Variants in KCNB2 observed in about 807,000 individuals in gnomAD.
KCNB2 encodes delayed rectifier potassium channel protein.
KCNB2 carries 15 observed loss-of-function variants against 61.5 expected under a neutral mutation model. The observed-to-expected ratio is 0.24, with a 90% CI of 0.16 to 0.38. The LOEUF is 0.38. Ranked by LOEUF, KCNB2 falls within the 10% of genes least tolerant of loss-of-function variation. The pLI, the probability that KCNB2 is intolerant of heterozygous loss-of-function variation, is 1.00. For missense variants in KCNB2, 828 were observed against 1,125.2 expected, an observed-to-expected ratio of 0.74 and a Z score of 3.78; for synonymous variants, 457 against 446.0, an observed-to-expected ratio of 1.02 and a Z score of -0.31.
intron 2 of KCNB2, among the ~76,000 whole-genome samples, chr8:72,864,479 T>TA (rs1472307977): frequency 1.3e-5 from 2 of 152,356 alleles, no homozygotes; most frequent in Admixed American, 1.3e-4. Flanking sequence ...GTTCCCTTAG[T>TA]AGACACACTT....
At chr8:72,596,546 T>C (rs1299450404) in intron 2 of KCNB2, among the ~76,000 whole-genome samples, 1 of 152,234 alleles carries the variant, frequency 6.6e-6, no homozygotes, top group African/African-American at 2.4e-5. Flanking sequence ...AATGAAGACA[T>C]GCCCATCATT....
At chr8:72,611,441 C>G (rs1304703958) in intron 2 of KCNB2, among the ~76,000 whole-genome samples, 1 of 152,188 alleles carries the variant, frequency 6.6e-6, no homozygotes, top group East Asian at 1.9e-4. Context: ...CCCCAGCACA[C>G]TAAAGTTCGG....
chr8:72,642,838 G>A (rs749256069), intron 2 of KCNB2, among the ~76,000 whole-genome samples: 23 of 152,136 alleles, frequency 1.5e-4, no homozygotes, highest in South Asian at 4.1e-4. Context: ...ATATAGTTGA[G>A]ACATATTTTG....
chr8:72,917,610 G>A (rs1349643461), intron 2 of KCNB2, among the ~76,000 whole-genome samples: 1 of 152,176 alleles, frequency 6.6e-6, no homozygotes, highest in Non-Finnish European at 1.5e-5. Flanking sequence ...TGTCAATGGT[G>A]TTGAAATTGG....
Position 72,818,115 on chromosome 8 carries a change from G to GA in KCNB2, c.580-117813dup, listed in dbSNP as rs982658886. Among the ~76,000 whole-genome samples the GA allele has an allele frequency of 6.3e-4, 95 of 151,772 alleles. 1 individual carries two copies. The highest frequency in any genetic ancestry group is 1.9e-3 in the African/African-American group (78 of 41,392). On this transcript the variant is annotated intron_variant, in intron 2 of 2. Transcript: ENST00000523207. ...GTGCTACTAATTCTACCACAAAATG[G>GA]AAAAAAATCCTGCAATGGTTCTATT... is the stretch of plus-strand genomic sequence containing the variant.
At chr8:72,929,717 G>C (rs960045947) in intron 2 of KCNB2, among the ~76,000 whole-genome samples, 1 of 152,098 alleles carries the variant, frequency 6.6e-6, no homozygotes, top group Admixed American at 6.6e-5. Context: ...CCAAATTTCC[G>C]AAGGGTTTAA....
At chr8:72,920,475 A>ATATATATATATGTGTG (rs1806499221) in intron 2 of KCNB2, among the ~76,000 whole-genome samples, 7 of 58,336 alleles carry the variant, frequency 1.2e-4, no homozygotes, top group Non-Finnish European at 2.2e-4. Flanking sequence ...CTATCTATCT[A>ATATATATATATGTGTG]TATATATATA....
intron 2 of KCNB2, among the ~76,000 whole-genome samples, chr8:72,906,438 GA>G (rs1177651011): frequency 6.6e-6 from 1 of 151,810 alleles, no homozygotes; most frequent in Admixed American, 6.6e-5. Context: ...TTATAATTTT[GA>G]AAAAAGTATT....
At chr8:72,888,679 G>C (rs1308732933) in intron 2 of KCNB2, among the ~76,000 whole-genome samples, 1 of 152,102 alleles carries the variant, frequency 6.6e-6, no homozygotes, top group African/African-American at 2.4e-5. Flanking sequence ...GCAAAATTAA[G>C]CTCCTTGTTT....
At position 72,640,746 on chromosome 8, in the gene KCNB2, G is replaced by A. The variant is rs187506157; in HGVS notation, c.579+72433G>A. On this transcript the variant is annotated intron_variant, in intron 2 of 2. Transcript: ENST00000523207. Reference sequence around the variant, plus strand: ...TTATAAACTATTGATGTTACATCGTGGTTGGTTTTAACATAGCCAATAGAC... The same window carrying A: ...TTATAAACTATTGATGTTACATCGTAGTTGGTTTTAACATAGCCAATAGAC... Among the ~76,000 whole-genome samples, 213 of 152,192 alleles carry A rather than the reference G, an allele frequency of 1.4e-3. 1 individual carries two copies. Among genetic ancestry groups the A allele is most frequent in the African/African-American group, 4.9e-3 (204 of 41,554 alleles).
At chr8:72,603,438 C>T (rs1276408819) in intron 2 of KCNB2, among the ~76,000 whole-genome samples, 3 of 152,190 alleles carry the variant, frequency 2.0e-5, no homozygotes, top group African/African-American at 7.2e-5. Flanking sequence ...CTCCCCATAT[C>T]TACCTACTAA....
chr8:72,894,240 G>A (rs1805950914), intron 2 of KCNB2, among the ~76,000 whole-genome samples: 1 of 152,104 alleles, frequency 6.6e-6, no homozygotes, highest in East Asian at 1.9e-4. Flanking sequence ...TAAAGGTGGA[G>A]TAGTGCAAAG....
chr8:72,587,682 CATG>C (rs1467348372), intron 2 of KCNB2, among the ~76,000 whole-genome samples: 1 of 151,980 alleles, frequency 6.6e-6, no homozygotes, highest in Non-Finnish European at 1.5e-5. Context: ...TGAGAGTCAT[CATG>C]ATCACACCAC....
chr8:72,792,662 A>G (rs1808964663), intron 2 of KCNB2, among the ~76,000 whole-genome samples: 2 of 152,156 alleles, frequency 1.3e-5, no homozygotes, highest in Admixed American at 6.5e-5. Flanking sequence ...CCAGGCATAT[A>G]TATATTTTTA....
At chr8:72,930,967 C>T (rs1196991227) in intron 2 of KCNB2, among the ~76,000 whole-genome samples, 1 of 152,030 alleles carries the variant, frequency 6.6e-6, no homozygotes, top group Non-Finnish European at 1.5e-5. Flanking sequence ...CTTGAATTAA[C>T]TTTTGTATAA....
intron 2 of KCNB2, among the ~76,000 whole-genome samples, chr8:72,596,112 C>T (rs973972258): frequency 1.3e-5 from 2 of 152,034 alleles, no homozygotes; most frequent in East Asian, 1.9e-4. Context: ...TCACAGCAGC[C>T]CTAGGAAGAA....
At chr8:72,590,633 G>A (rs978958736) in intron 2 of KCNB2, among the ~76,000 whole-genome samples, 1 of 152,152 alleles carries the variant, frequency 6.6e-6, no homozygotes, top group Non-Finnish European at 1.5e-5. Context: ...TTCCTGTGAT[G>A]TCTTGTAACA....
Position 72,938,095 on chromosome 8 carries a change from G to C in KCNB2, c.*4G>C. The C allele has an allele frequency of 6.4e-7, 1 of 1,570,940 alleles. No individual in the cohort carries two copies. The highest frequency in any genetic ancestry group is 1.2e-5 in the South Asian group (1 of 84,746). On this transcript the variant is annotated 3_prime_UTR_variant, in exon 3 of 3. Transcript: ENST00000523207. ...CACACGTGAAACCAGCATGTGACTA[G>C]TTACAAAAGCAATAAATTGAAACAA...
chr8:72,599,968 A>T (rs1807266762), intron 2 of KCNB2, among the ~76,000 whole-genome samples: 1 of 152,210 alleles, frequency 6.6e-6, no homozygotes, highest in Non-Finnish European at 1.5e-5. Context: ...GATGTGGAGA[A>T]ATAGGAACAC....
Sources: gnomAD v4.1 joint callset for allele counts (sites outside exome capture counted in the v4.1 genomes callset) on GRCh38, gnomAD v4.1.1 for gene constraint, MANE v1.5 for transcripts, NCBI Gene and HGNC (gene_info 2026-07-23, HGNC 2026-07-21) for gene names.